The following SOX5 variants were observed in gnomAD, a reference collection of about 807,000 sequenced individuals.
The protein encoded by SOX5 is SRY-box transcription factor 5.
A neutral mutation model predicts 92.0 loss-of-function variants in SOX5; 9 were observed. That is an observed-to-expected ratio of 0.10 (90% CI 0.06 to 0.17). The LOEUF is 0.17. Among genes scored for constraint, SOX5 ranks in the 10% least tolerant of loss-of-function variants. The pLI is 1.00. For synonymous variants in SOX5, 344 were observed against 336.3 expected, an observed-to-expected ratio of 1.02 and a Z score of -0.25; for missense variants, 642 against 944.5, an observed-to-expected ratio of 0.68 and a Z score of 4.20.
intron 8 of SOX5, among the ~76,000 whole-genome samples, chr12:23,608,558 T>C (rs139454052): frequency 6.6e-6 from 1 of 152,312 alleles, no homozygotes; most frequent in Non-Finnish European, 1.5e-5. Context: ...TTTAAGCTCC[T>C]TGAAAGATCA....
At chr12:24,465,516 A>C (rs1022036270) in intron 1 of SOX5, among the ~76,000 whole-genome samples, 4 of 152,300 alleles carry the variant, frequency 2.6e-5, no homozygotes, top group Admixed American at 1.3e-4. Context: ...TTGCTTTCGT[A>C]GTGCTTGCAA....
chr12:24,041,159 C>T (rs1268432197), intron 4 of SOX5, among the ~76,000 whole-genome samples: 1 of 151,978 alleles, frequency 6.6e-6, no homozygotes, highest in Non-Finnish European at 1.5e-5. Flanking sequence ...CTGAAGAATC[C>T]CAAATACCAG....
chr12:23,710,926 CA>C (rs1432387855), intron 6 of SOX5, among the ~76,000 whole-genome samples: 2 of 152,094 alleles, frequency 1.3e-5, no homozygotes, highest in Non-Finnish European at 2.9e-5. Flanking sequence ...TTTTAATGAT[CA>C]CCATTCTAAC....
intron 6 of SOX5, among the ~76,000 whole-genome samples, chr12:23,718,278 G>T (rs1458929016): frequency 6.6e-6 from 1 of 152,136 alleles, no homozygotes; most frequent in Non-Finnish European, 1.5e-5. Context: ...CACATTGCTT[G>T]TGCTTTCTAA....
At chr12:23,726,310 T>C (rs973699772) in intron 6 of SOX5, among the ~76,000 whole-genome samples, 1 of 152,162 alleles carries the variant, frequency 6.6e-6, no homozygotes, top group Non-Finnish European at 1.5e-5. Context: ...ATGTCTTGAA[T>C]CATGACGTAA....
At chr12:23,889,755 C>T (rs1210111882) in intron 2 of SOX5, among the ~76,000 whole-genome samples, 1 of 151,992 alleles carries the variant, frequency 6.6e-6, no homozygotes, top group South Asian at 2.1e-4. Context: ...AACTGACTCA[C>T]GGTGAATGTT....
At chr12:23,562,408 G>T (rs1946372767) in intron 11 of SOX5, among the ~76,000 whole-genome samples, 2 of 152,278 alleles carry the variant, frequency 1.3e-5, no homozygotes, top group East Asian at 3.9e-4. Context: ...TTAGCAATCT[G>T]CTCATTCTGG....
chr12:24,304,726 T>C (rs895397893), intron 2 of SOX5, among the ~76,000 whole-genome samples: 9 of 152,190 alleles, frequency 5.9e-5, no homozygotes, highest in Non-Finnish European at 1.0e-4. Context: ...AATTTACTCA[T>C]CATTAAACCT....
At chr12:24,143,418 GA>G (rs1460102297) in intron 4 of SOX5, among the ~76,000 whole-genome samples, 10 of 152,204 alleles carry the variant, frequency 6.6e-5, no homozygotes, top group African/African-American at 2.4e-4. Context: ...AGAATTCACA[GA>G]ATATAACAGC....
intron 3 of SOX5, among the ~76,000 whole-genome samples, chr12:23,801,105 C>T (rs576703395): frequency 6.6e-6 from 1 of 152,280 alleles, no homozygotes; most frequent in Admixed American, 6.5e-5. Flanking sequence ...AATAGGAAGT[C>T]TTGTTACTTG....
intron 3 of SOX5, among the ~76,000 whole-genome samples, chr12:23,830,040 T>A (rs2096290126): frequency 6.6e-6 from 1 of 152,116 alleles, no homozygotes; most frequent in Non-Finnish European, 1.5e-5. Flanking sequence ...AAATATAATT[T>A]CCTATAACAC....
intron 3 of SOX5, among the ~76,000 whole-genome samples, chr12:23,756,979 T>C (rs896417262): frequency 5.3e-5 from 8 of 151,802 alleles, no homozygotes; most frequent in Non-Finnish European, 1.0e-4. Context: ...TCAAAAAGCC[T>C]GTGTGGAGTT....
At chr12:24,035,295 G>C (rs12813386) in intron 4 of SOX5, among the ~76,000 whole-genome samples, 42,351 of 151,880 alleles carry the variant, frequency 0.28, 5,961 homozygotes, top group Middle Eastern at 0.41. Context: ...GCTAACCAAT[G>C]ATAACAACCA....
At chr12:24,056,974 C>CA (rs60085412) in intron 4 of SOX5, among the ~76,000 whole-genome samples, 1,473 of 36,716 alleles carry the variant, frequency 0.04, 142 homozygotes, top group Non-Finnish European at 0.051. Context: ...GACTCCGTCT[C>CA]AAAAAAAAAA....
intron 4 of SOX5, among the ~76,000 whole-genome samples, chr12:24,087,552 T>G (rs151009133): frequency 6.6e-5 from 10 of 152,186 alleles, no homozygotes; most frequent in Non-Finnish European, 1.2e-4. Context: ...TATTTTATCT[T>G]TGACAAAATG....
intron 1 of SOX5, among the ~76,000 whole-genome samples, chr12:23,909,074 A>G (rs2097323768): frequency 6.6e-6 from 1 of 152,220 alleles, no homozygotes; most frequent in Non-Finnish European, 1.5e-5. Context: ...CATATACTGC[A>G]GAGAAGAAAA....
chr12:23,690,932 G>A (rs1443290000), intron 6 of SOX5, among the ~76,000 whole-genome samples: 3 of 152,176 alleles, frequency 2.0e-5, no homozygotes, highest in Non-Finnish European at 4.4e-5. Flanking sequence ...CCTGAATCCT[G>A]ATTCTTGTCT....
chr12:23,754,995 T>C (rs1447083988), intron 4 of SOX5, among the ~76,000 whole-genome samples: 1 of 151,838 alleles, frequency 6.6e-6, no homozygotes, highest in African/African-American at 2.4e-5. Context: ...ATAGATTGCC[T>C]ACTGTGTTTT....
At chr12:23,709,047 C>T (rs2091766961) in intron 6 of SOX5, among the ~76,000 whole-genome samples, 1 of 151,966 alleles carries the variant, frequency 6.6e-6, no homozygotes, top group African/African-American at 2.4e-5. Flanking sequence ...CTATTTGCCA[C>T]AGAGTAGAAG....
Sources: gnomAD v4.1 joint callset for allele counts (sites outside exome capture counted in the v4.1 genomes callset) on GRCh38, gnomAD v4.1.1 for gene constraint, MANE v1.5 for transcripts, NCBI Gene and HGNC (gene_info 2026-07-23, HGNC 2026-07-21) for gene names.